DUOX1: variants seen among roughly 807,000 people sequenced by gnomAD.
DUOX1 encodes the protein dual oxidase 1.
Under a neutral mutation model 181.8 loss-of-function variants are expected in DUOX1, and 134 were observed. The observed-to-expected ratio is 0.74, with a 90% CI of 0.64 to 0.85. The LOEUF (loss-of-function observed/expected upper bound fraction) is 0.85, where lower values mean the gene tolerates loss of function less well. Ranked by LOEUF, DUOX1 falls within the 40% of genes least tolerant of loss-of-function variation. The pLI is 0.00. For synonymous variants in DUOX1, 798 were observed against 832.5 expected, an observed-to-expected ratio of 0.96 and a Z score of 0.71; for missense variants, 1,814 against 2,064.4, an observed-to-expected ratio of 0.88 and a Z score of 2.35.
At position 45,138,022 on chromosome 15, in the gene DUOX1, C is replaced by G; in HGVS notation, c.1113+8C>G. 6.3e-7 allele frequency: 1 copy of G among 1,599,694 alleles called. No individual in the cohort carries two copies. Among genetic ancestry groups the G allele is most frequent in the Non-Finnish European group, 8.5e-7 (1 of 1,171,496 alleles). ...AGCTACTGGAGCCGTGAGGTCCGAG[C>G]TGGGGGCCACATATGTGGTGGATGT... is the stretch of plus-strand genomic sequence containing the variant. On this transcript the variant is annotated splice_region_variant and intron_variant, in intron 10 of 33. Coordinates refer to ENST00000389037, the MANE Select transcript of DUOX1 (RefSeq NM_175940.3).
intron 19 of DUOX1, 79 bp downstream of exon 19, chr15:45,147,737 C>T (rs757072503): frequency 1.3e-6 from 2 of 1,593,154 alleles, no homozygotes; most frequent in East Asian, 4.5e-5. Flanking sequence ...GACCAGGTCT[C>T]CAGCCATGGC....
At chr15:45,164,672 T>A in intron 33 of DUOX1, 107 bp from the exon 34 acceptor site, 1 of 1,249,238 alleles carries the variant, frequency 8.0e-7, no homozygotes, top group Admixed American at 1.9e-5. Flanking sequence ...GATGTTGCTA[T>A]GTTGCCCAGG....
intron 14 of DUOX1, among the ~76,000 whole-genome samples, chr15:45,141,749 A>AGC (rs780861995): frequency 1.2e-5 from 1 of 81,386 alleles, no homozygotes; most frequent in African/African-American, 5.3e-5. Flanking sequence ...CAGTGAGGGA[A>AGC]GCGTGTGTGT....
At chr15:45,142,773 AAGG>A (rs1896537270) in intron 15 of DUOX1, among the ~76,000 whole-genome samples, 1 of 109,784 alleles carries the variant, frequency 9.1e-6, no homozygotes, top group Admixed American at 9.6e-5. Context: ...GGAAAGAAGG[AAGG>A]AAGGAAGGAA....
intron 15 of DUOX1, among the ~76,000 whole-genome samples, chr15:45,142,447 G>A (rs760639733): frequency 5.9e-5 from 9 of 152,098 alleles, no homozygotes; most frequent in Non-Finnish European, 1.2e-4. Context: ...GGGCTAAGAC[G>A]GGGCGCGGTG....
chr15:45,138,006 A>G lies in DUOX1; in HGVS notation c.1105A>G (p.Ser369Gly). The G allele has an allele frequency of 6.2e-7, 1 of 1,606,276 alleles. No homozygotes were observed. Residue 369 changes from serine to glycine, a missense_variant, in exon 10 of 34, where the codon AGC (serine) becomes GGC (glycine). Ser to Gly is a moderately conservative substitution (Grantham distance 56). This residue lies in a region of DUOX1 where 1,064 missense variants were observed against 1,152.9 expected (regional missense o/e 0.92). Transcript: ENST00000389037. ...RALRVCNSYW[S>G]REHPSLQSAE... The stretch of plus-strand genomic sequence containing the variant: ...TCTCCGGGTCTGCAACAGCTACTGG[A>G]GCCGTGAGGTCCGAGCTGGGGGCCA...
rs372398306 is a variant in DUOX1, at chr15:45,144,966, C to A, written c.2208C>A (p.Ser736Arg). The A allele has an allele frequency of 6.8e-6, 11 of 1,613,520 alleles. No homozygotes were observed. The highest frequency in any genetic ancestry group is 9.3e-6 in the Non-Finnish European group (11 of 1,179,878). The change falls in exon 18 of 34, where the codon AGC becomes AGA. Residue 736 changes from serine (S) to arginine (R), a missense_variant. Around this residue, in one of 5 missense-constraint regions of DUOX1, gnomAD observed 1,064 missense variants for 1,152.9 expected, o/e 0.92. Coordinates refer to ENST00000389037, the MANE Select transcript of DUOX1 (RefSeq NM_175940.3). ...ATCTCCGGGGAGCTCTGAAGGAGAGCGGGTTGAGCATCCAGGAGTGGGAGC... is the reference window on the plus strand; with the variant it reads ...ATCTCCGGGGAGCTCTGAAGGAGAGAGGGTTGAGCATCCAGGAGTGGGAGC... ...VENLRGALKESGLSIQEWELR... is the reference protein window; with the variant it reads ...VENLRGALKERGLSIQEWELR...
At chr15:45,139,227 C>A (rs777734863) in intron 11 of DUOX1, 59 bp downstream of exon 11, 1 of 1,611,814 alleles carries the variant, frequency 6.2e-7, no homozygotes, top group African/African-American at 1.3e-5. Context: ...AGAGGCTCAG[C>A]TGGACTTCCA....
At chr15:45,154,097 A>G (rs200408619) in intron 27 of DUOX1, 97 bp downstream of exon 27, 3 of 1,162,786 alleles carry the variant, frequency 2.6e-6, no homozygotes, top group East Asian at 4.7e-5. Flanking sequence ...TCACTCACTC[A>G]GCTCTTCCGG....
chr15:45,138,788 T>C (rs1293075593), intron 10 of DUOX1: 2 of 415,400 alleles, frequency 4.8e-6, no homozygotes, highest in Non-Finnish European at 8.6e-6. Context: ...ATCTTCTGGT[T>C]ACTTTGCCAA....
intron 24 of DUOX1, 65 bp downstream of exon 24, chr15:45,152,117 G>T: frequency 6.4e-7 from 1 of 1,567,622 alleles, no homozygotes; most frequent in South Asian, 1.2e-5. Context: ...CCCTGGGGGT[G>T]GGGCCTGCGA....
chr15:45,156,187 A>G (rs1438381987), intron 28 of DUOX1, among the ~76,000 whole-genome samples: 1 of 152,170 alleles, frequency 6.6e-6, no homozygotes, highest in African/African-American at 2.4e-5. Context: ...CATTCCTCGC[A>G]GACACCTCCA....
chr15:45,164,354 C>T (rs936470025), intron 33 of DUOX1, among the ~76,000 whole-genome samples: 1 of 152,172 alleles, frequency 6.6e-6, no homozygotes, highest in Non-Finnish European at 1.5e-5. Context: ...ATTAACCCAA[C>T]CTCTATTAGA....
At position 45,147,955 on chromosome 15, in the gene DUOX1, G is replaced by A. The variant is rs1189216096; in HGVS notation, c.2600G>A (p.Gly867Glu). ...ATGTTCCGCATGTACGACTTTGATGGGAATGGCCTCATTTCCAAGGATGAG... is the reference window on the plus strand; with the variant it reads ...ATGTTCCGCATGTACGACTTTGATGAGAATGGCCTCATTTCCAAGGATGAG... ...RLMFRMYDFD[G>E]NGLISKDEFI... Residue 867 changes from glycine to glutamate, a missense_variant, in exon 20 of 34, where the codon GGG becomes GAG. Coordinates refer to ENST00000389037, the MANE Select transcript of DUOX1 (RefSeq NM_175940.3). 2 of 1,614,210 alleles carry A rather than the reference G, an allele frequency of 1.2e-6. No homozygotes were observed. Among genetic ancestry groups the A allele is most frequent in the Admixed American group, 3.3e-5 (2 of 60,032 alleles).
intron 12 of DUOX1, 53 bp downstream of exon 12, chr15:45,139,652 G>A: frequency 6.7e-7 from 1 of 1,496,380 alleles, no homozygotes; most frequent in Non-Finnish European, 8.9e-7. Context: ...AGGCACGTGG[G>A]CCTGAGACAT....
At chr15:45,136,065 A>G in intron 7 of DUOX1, 117 bp downstream of exon 7, 1 of 1,523,304 alleles carries the variant, frequency 6.6e-7, no homozygotes, top group South Asian at 1.2e-5. Context: ...CCCTCCCCAG[A>G]CAGCCGAGGT....
chr15:45,159,196 A>C (rs1897038250), intron 28 of DUOX1, among the ~76,000 whole-genome samples: 1 of 152,246 alleles, frequency 6.6e-6, no homozygotes, highest in Admixed American at 6.5e-5. Context: ...GCTGGTGATC[A>C]TGTGGCAGCT....
intron 27 of DUOX1, chr15:45,155,496 G>A: frequency 3.4e-6 from 1 of 292,938 alleles, no homozygotes. Flanking sequence ...AACCTGGGAG[G>A]CAGAGGTTGC....
rs775614678 is a variant in DUOX1, at chr15:45,152,515, A to T, written c.3423A>T (p.Thr1141=). The T allele has an allele frequency of 2.5e-6, 4 of 1,613,548 alleles. No individual in the cohort carries two copies. Among genetic ancestry groups the T allele is most frequent in the Non-Finnish European group, 3.4e-6 (4 of 1,179,906 alleles). Residue 1141 remains threonine (T), a splice_region_variant and synonymous_variant, in exon 25 of 34, where the codon ACA becomes ACT. Coordinates refer to ENST00000389037, the MANE Select transcript of DUOX1 (RefSeq NM_175940.3). The part of the protein sequence containing the change: ...RLIASTAIVL[T]VLHSVGHVVN... ...TTGCCTCCACCGCCATCGTCCTCACAGGCAGGGCCTGGGTGTCCCTGGGAG... is the reference window on the plus strand; with the variant it reads ...TTGCCTCCACCGCCATCGTCCTCACTGGCAGGGCCTGGGTGTCCCTGGGAG...
Sources: gnomAD v4.1 joint callset for allele counts (sites outside exome capture counted in the v4.1 genomes callset) on GRCh38, gnomAD v4.1.1 for gene constraint, gnomAD v4.1.1 regional missense constraint, MANE v1.5 for transcripts, NCBI Gene and HGNC (gene_info 2026-07-23, HGNC 2026-07-21) for gene names.